HUS1: variants seen among roughly 807,000 people sequenced by gnomAD.
The protein encoded by HUS1 is checkpoint protein HUS1.
In HUS1, 31 loss-of-function variants were observed where a neutral mutation model predicts 32.6. The ratio of observed to expected loss-of-function variants is 0.95; its 90% CI spans 0.72 to 1.28. HUS1 has a LOEUF of 1.28. Among genes scored for constraint, HUS1 ranks in the 50% most tolerant of loss-of-function variants. HUS1 has a pLI of 0.00. For missense variants in HUS1, 340 were observed against 337.7 expected, an observed-to-expected ratio of 1.01 and a Z score of -0.05; for synonymous variants, 123 against 116.6, an observed-to-expected ratio of 1.06 and a Z score of -0.36.
chr7:47,966,525 G>A (rs1325015314), intron 7 of HUS1, among the ~76,000 whole-genome samples: 1 of 152,154 alleles, frequency 6.6e-6, no homozygotes, highest in Non-Finnish European at 1.5e-5. Context: ...CACACCCTGT[G>A]TTTCCACACT....
At chr7:47,972,313 G>A (rs3176555) in intron 5 of HUS1, among the ~76,000 whole-genome samples, 2,211 of 152,270 alleles carry the variant, frequency 0.015, 34 homozygotes, top group Non-Finnish European at 0.017. Flanking sequence ...GGGCCTAGAT[G>A]CACTTCAGGC....
At chr7:47,978,627 A>G (rs752738845) in intron 2 of HUS1, 34 bp from the exon 3 acceptor site, 4 of 1,612,830 alleles carry the variant, frequency 2.5e-6, no homozygotes, top group African/African-American at 2.7e-5. Context: ...GAGGGAGGGT[A>G]TATGTGATCT....
chr7:47,978,458 T>C lies in HUS1; in HGVS notation c.316A>G (p.Thr106Ala). 1 of 1,614,226 alleles carries C rather than the reference T, an allele frequency of 6.2e-7. No homozygotes were observed. The highest frequency in any genetic ancestry group is 8.5e-7 in the Non-Finnish European group (1 of 1,180,036). ...GTGAGGCAGGGAAAGTGTTTATTAG[T>C]CAGTTTGATTTTCAAAGCCCTGGCA... is the stretch of plus-strand genomic sequence containing the variant. ...QNARALKIKL[T>A]NKHFPCLTVS... The change falls in exon 3 of 8, where the codon ACT (threonine) becomes GCT (alanine). Residue 106 changes from threonine (T) to alanine (A), a missense_variant. Coordinates refer to ENST00000258774, the MANE Select transcript of HUS1 (RefSeq NM_004507.4).
intron 6 of HUS1, 57 bp downstream of exon 6, chr7:47,969,162 G>T: frequency 1.2e-6 from 1 of 812,508 alleles, no homozygotes; most frequent in Non-Finnish European, 2.1e-6. Context: ...TCAACAGGTA[G>T]GTTATCTGAA....
intron 6 of HUS1, chr7:47,968,890 G>T (rs1554292129): frequency 4.7e-6 from 1 of 214,588 alleles, no homozygotes. Context: ...TCCATGCCAG[G>T]TGAGAAATAG....
intron 5 of HUS1, among the ~76,000 whole-genome samples, 168 bp from the exon 6 acceptor site, chr7:47,969,486 C>T (rs1788550982): frequency 6.6e-6 from 1 of 152,150 alleles, no homozygotes; most frequent in Non-Finnish European, 1.5e-5. Flanking sequence ...GAAGATAAGG[C>T]CCAAGAGCCA....
At chr7:47,969,112 CAA>C (rs1788540923) in intron 6 of HUS1, 105 bp downstream of exon 6, 2 of 626,100 alleles carry the variant, frequency 3.2e-6, no homozygotes, top group Admixed American at 3.1e-5. Context: ...AAGCATGAAA[CAA>C]AGTCAACTGA....
chr7:47,968,833 T>C (rs541605863), intron 6 of HUS1: 28 of 167,914 alleles, frequency 1.7e-4, no homozygotes, highest in Non-Finnish European at 3.5e-4. Flanking sequence ...CATATGGAAG[T>C]AACTGAAGGA....
chr7:47,978,609 T>C lies in HUS1; in HGVS notation c.181-16A>G, dbSNP rs772452152. 2 of 1,613,032 alleles carry C rather than the reference T, an allele frequency of 1.2e-6. No individual in the cohort carries two copies. Among genetic ancestry groups the C allele is most frequent in the Admixed American group, 3.3e-5 (2 of 59,982 alleles). ...AGAAGTTCTCCTAAGGGAAAAAAAA[T>C]GAGGGATGAGGGAGGGTATATGTGA... On this transcript the variant is annotated splice_polypyrimidine_tract_variant and intron_variant, in intron 2 of 7. Coordinates refer to ENST00000258774, the MANE Select transcript of HUS1 (RefSeq NM_004507.4).
chr7:47,975,826 G>T, intron 4 of HUS1, 139 bp from the exon 5 acceptor site: 1 of 570,110 alleles, frequency 1.8e-6, no homozygotes, highest in Non-Finnish European at 3.0e-6. Flanking sequence ...TCTGAATAAA[G>T]TTCTTTTAAA....
intron 1 of HUS1, 81 bp from the exon 2 acceptor site, chr7:47,978,897 G>C (rs1162439912): frequency 2.8e-6 from 4 of 1,412,162 alleles, no homozygotes; most frequent in African/African-American, 2.9e-5. Flanking sequence ...AGAATTTCTT[G>C]TTCATCAACT....
At chr7:47,966,520 CCT>C (rs1226679917) in intron 7 of HUS1, among the ~76,000 whole-genome samples, 2 of 152,132 alleles carry the variant, frequency 1.3e-5, no homozygotes, top group Admixed American at 6.5e-5. Flanking sequence ...CCCCCCACAC[CCT>C]GTGTTTCCAC....
At chr7:47,974,197 T>C (rs2128765968) in intron 5 of HUS1, among the ~76,000 whole-genome samples, 1 of 152,344 alleles carries the variant, frequency 6.6e-6, no homozygotes, top group South Asian at 2.1e-4. Flanking sequence ...TCCAGATCCA[T>C]GCAACACTTA....
In HUS1 at chr7:47,978,587, A is replaced by C; in HGVS notation, c.187T>G (p.Phe63Val). ...SMWCELEQEN[F>V]FNEFQMEGVS... ...CCCTCCATTTGAAATTCGTTGAAGA[A>C]GTTCTCCTAAGGGAAAAAAAATGAG... The change falls in exon 3 of 8, where the codon TTC becomes GTC. Residue 63 changes from phenylalanine to valine, a missense_variant. By Grantham distance (50) the Phe-to-Val change is conservative (BLOSUM62 -1). Transcript: ENST00000258774. 1.9e-6 allele frequency: 3 copies of C among 1,613,972 alleles called. No individual in the cohort carries two copies. The highest frequency in any genetic ancestry group is 2.5e-6 in the Non-Finnish European group (3 of 1,179,804).
chr7:47,976,306 T>C, intron 4 of HUS1: 1 of 457,236 alleles, frequency 2.2e-6, no homozygotes, highest in Non-Finnish European at 4.4e-6. Context: ...AGCTCTAGGG[T>C]TAACCATCGG....
chr7:47,970,625 T>A (rs1203071106), intron 5 of HUS1, among the ~76,000 whole-genome samples: 1 of 152,148 alleles, frequency 6.6e-6, no homozygotes, highest in Non-Finnish European at 1.5e-5. Context: ...AGCTCAAAAC[T>A]TTCCTGAAGT....
At chr7:47,977,684 G>A (rs1404440350) in intron 3 of HUS1, among the ~76,000 whole-genome samples, 1 of 152,134 alleles carries the variant, frequency 6.6e-6, no homozygotes, top group Non-Finnish European at 1.5e-5. Flanking sequence ...TTGACGTCAG[G>A]AGTTCGAGAC....
chr7:47,964,350 G>C lies in HUS1; in HGVS notation c.*1006C>G, dbSNP rs1435178690. 7 of 152,248 alleles carry C rather than the reference G, an allele frequency of 4.6e-5. No individual in the cohort carries two copies. Among genetic ancestry groups the C allele is most frequent in the African/African-American group, 7.2e-5 (3 of 41,452 alleles). 9.4% of individuals were successfully genotyped at this position (152,248 alleles called of 1,614,324 possible). On this transcript the variant is annotated 3_prime_UTR_variant, in exon 8 of 8. Transcript: ENST00000258774. ...TGATTGTGGCACTGCACTCCAGTCT[G>C]GGTGACAGAATGAGACCGTCTCAAA...
At chr7:47,979,373 GC>G in intron 1 of HUS1, 94 bp downstream of exon 1, 2 of 1,326,586 alleles carry the variant, frequency 1.5e-6, no homozygotes. Context: ...CCCTTCCGGC[GC>G]CCATCCCCGT....
Sources: gnomAD v4.1 joint callset for allele counts (sites outside exome capture counted in the v4.1 genomes callset) on GRCh38, gnomAD v4.1.1 for gene constraint, MANE v1.5 for transcripts, NCBI Gene and HGNC (gene_info 2026-07-23, HGNC 2026-07-21) for gene names.